Variants in COG3 observed in about 807,000 individuals in gnomAD.
The protein encoded by COG3 is component of oligomeric golgi complex 3.
In COG3, 32 loss-of-function variants were observed where a neutral mutation model predicts 114.1. The ratio of observed to expected loss-of-function variants is 0.28; its 90% CI spans 0.21 to 0.38. The LOEUF (loss-of-function observed/expected upper bound fraction) is 0.38. Among genes scored for constraint, COG3 ranks in the 10% least tolerant of loss-of-function variants. The probability of loss-of-function intolerance (pLI) is 1.00; values close to 1 mark genes in which losing one functional copy is unlikely to be tolerated. For missense variants in COG3, 813 were observed against 973.2 expected (o/e 0.84, Z 2.19); for synonymous variants, 352 against 365.7 (o/e 0.96, Z 0.43).
At chr13:45,512,818 T>C (rs998530428) in intron 16 of COG3, among the ~76,000 whole-genome samples, 2 of 152,122 alleles carry the variant, frequency 1.3e-5, no homozygotes, top group African/African-American at 2.4e-5. Flanking sequence ...TCTCACCATG[T>C]TGCACAGGCT....
chr13:45,473,139 G>T (rs1380779329), intron 1 of COG3, among the ~76,000 whole-genome samples: 2 of 152,184 alleles, frequency 1.3e-5, no homozygotes, highest in Non-Finnish European at 2.9e-5. Flanking sequence ...AAAGTGCTGG[G>T]ATTACAGGTG....
rs1873558346 is a variant in COG3 at position 45,536,555 on chromosome 13, A to G, written c.*1824A>G. ...ACTTTCAAATAATTTAAAATGCTTT[A>G]TATTATTTGGCTAGAAATTGCTGTT... On this transcript the variant is annotated 3_prime_UTR_variant, in exon 23 of 23. Coordinates refer to ENST00000349995, the MANE Select transcript of COG3 (RefSeq NM_031431.4). 1.3e-5 allele frequency: 2 copies of G among 152,208 alleles called. No homozygotes were observed. Among genetic ancestry groups the G allele is most frequent in the South Asian group, 4.1e-4 (2 of 4,834 alleles). The allele number at this position is 152,208 out of a possible 1,614,324, so 9.4% of individuals were successfully genotyped here. A position where few individuals can be genotyped will look rare whatever the true frequency, so the allele number is the denominator to read the frequency against.
chr13:45,509,849 T>G, intron 15 of COG3, 33 bp downstream of exon 15: 1 of 1,527,816 alleles, frequency 6.5e-7, no homozygotes, highest in Non-Finnish European at 8.9e-7. Flanking sequence ...TTGCTCGTTC[T>G]TTCACTTGAA....
chr13:45,525,714 T>G (rs1441974870), intron 20 of COG3, among the ~76,000 whole-genome samples: 5 of 149,220 alleles, frequency 3.4e-5, no homozygotes, highest in Non-Finnish European at 7.4e-5. Flanking sequence ...TGGTACCTCT[T>G]GCGGCATTTT....
intron 17 of COG3, among the ~76,000 whole-genome samples, chr13:45,516,909 C>T (rs1051105361): frequency 1.3e-5 from 2 of 152,140 alleles, no homozygotes; most frequent in Non-Finnish European, 2.9e-5. Flanking sequence ...GGTATTAAAT[C>T]AGTAATCATG....
intron 19 of COG3, among the ~76,000 whole-genome samples, chr13:45,520,131 C>T (rs8000948): frequency 0.19 from 28,259 of 151,552 alleles, 4,800 homozygotes; most frequent in African/African-American, 0.46. Context: ...CTACAAAAAA[C>T]GAACAAAATT....
At chr13:45,497,837 G>A (rs2137844756) in intron 13 of COG3, among the ~76,000 whole-genome samples, 1 of 135,098 alleles carries the variant, frequency 7.4e-6, no homozygotes, top group South Asian at 2.4e-4. Context: ...ACCACTCAAG[G>A]CTAAGCAGGA....
In COG3 at chr13:45,486,695, A is replaced by G. The variant is rs527307340; in HGVS notation, c.924+120A>G. ...GGAAGTGAACTTGAATGAAAGGTTG[A>G]CATTGTCCTTCCACATTATAGCAGT... On this transcript the variant is annotated intron_variant, in intron 8 of 22. Transcript: ENST00000349995. 3.0e-4 allele frequency: 215 copies of G among 712,980 alleles called. 6 individuals carry two copies. The South Asian group carries it at 3.2e-3, about 11-fold the overall frequency. 44.2% of individuals were successfully genotyped at this position (712,980 alleles called of 1,614,324 possible). A position where few individuals can be genotyped will look rare whatever the true frequency, so the allele number is the denominator to read the frequency against.
intron 1 of COG3, among the ~76,000 whole-genome samples, chr13:45,470,708 C>A (rs951659311): frequency 6.6e-6 from 1 of 152,180 alleles, no homozygotes; most frequent in Non-Finnish European, 1.5e-5. Flanking sequence ...GACTTATAAT[C>A]GTTTTTCTCA....
At chr13:45,508,986 C>G (rs1005583499) in intron 14 of COG3, among the ~76,000 whole-genome samples, 1 of 151,742 alleles carries the variant, frequency 6.6e-6, no homozygotes, top group Admixed American at 6.6e-5. Context: ...GTTACTCCCC[C>G]ACCTCCACAG....
At chr13:45,530,560 G>A (rs948595029) in intron 21 of COG3, 122 bp from the exon 22 acceptor site, 2 of 653,380 alleles carry the variant, frequency 3.1e-6, no homozygotes, top group Non-Finnish European at 5.6e-6. Flanking sequence ...TGCGTCTTTG[G>A]TAATATCATG....
chr13:45,468,883 C>G (rs919662892), intron 1 of COG3, among the ~76,000 whole-genome samples: 2 of 152,196 alleles, frequency 1.3e-5, no homozygotes, highest in African/African-American at 4.8e-5. Flanking sequence ...AATGAGAGGT[C>G]AGAACAGGAA....
intron 8 of COG3, among the ~76,000 whole-genome samples, chr13:45,488,172 A>C (rs1160226204): frequency 6.6e-6 from 1 of 152,174 alleles, no homozygotes; most frequent in Non-Finnish European, 1.5e-5. Flanking sequence ...GGAACTAAAA[A>C]AGTTGGTCTT....
chr13:45,498,463 G>A (rs949370807), intron 13 of COG3, among the ~76,000 whole-genome samples: 1 of 149,682 alleles, frequency 6.7e-6, no homozygotes, highest in Non-Finnish European at 1.5e-5. Context: ...GGGTTCAAGC[G>A]ATTTCAAGAA....
At chr13:45,531,326 G>A (rs1239833785) in intron 22 of COG3, 1 of 152,462 alleles carries the variant, frequency 6.6e-6, no homozygotes, top group Non-Finnish European at 1.5e-5. Flanking sequence ...ATTAGGAGTA[G>A]CCTGGCGCTG....
intron 19 of COG3, 38 bp from the exon 20 acceptor site, chr13:45,524,938 T>G (rs1279158947): frequency 6.5e-7 from 1 of 1,536,880 alleles, no homozygotes; most frequent in Non-Finnish European, 9.0e-7. Flanking sequence ...TTGTCATTGA[T>G]GAAATGAAAC....
chr13:45,486,578 A>G lies in COG3; in HGVS notation c.924+3A>G, dbSNP rs761708362. 6.4e-7 allele frequency: 1 copy of G among 1,567,416 alleles called. No individual in the cohort carries two copies. Among genetic ancestry groups the G allele is most frequent in the Non-Finnish European group, 8.8e-7 (1 of 1,137,602 alleles). The stretch of plus-strand genomic sequence containing the variant: ...GAGCTGCTGCCCCCAAAGTCAGAGT[A>G]AGTCTATTGACATAACTAGGACATT... On this transcript the variant is annotated splice_donor_region_variant and intron_variant, in intron 8 of 22. Coordinates refer to ENST00000349995, the MANE Select transcript of COG3 (RefSeq NM_031431.4).
rs1008760940 is a variant in COG3, at chr13:45,535,149, T to G, written c.*418T>G. ...GCTAAAACGTGAAACACTGTAACAC[T>G]TTTAACCACTGAGCATTCCACAGTG... On this transcript the variant is annotated 3_prime_UTR_variant, in exon 23 of 23. Transcript: ENST00000349995. 1 of 995,268 alleles carries G rather than the reference T, an allele frequency of 1.0e-6. No individual in the cohort carries two copies. 61.7% of individuals were successfully genotyped at this position (995,268 alleles called of 1,614,324 possible).
chr13:45,511,572 G>T (rs1870867320), intron 15 of COG3, among the ~76,000 whole-genome samples, 193 bp from the exon 16 acceptor site: 1 of 152,176 alleles, frequency 6.6e-6, no homozygotes, highest in Admixed American at 6.5e-5. Context: ...AGGGATGACT[G>T]CATATTACAT....
Sources: gnomAD v4.1 joint callset for allele counts (sites outside exome capture counted in the v4.1 genomes callset) on GRCh38, gnomAD v4.1.1 for gene constraint, MANE v1.5 for transcripts, NCBI Gene and HGNC (gene_info 2026-07-23, HGNC 2026-07-21) for gene names.